Variants in TRPM3 observed in about 807,000 individuals in gnomAD.
The protein encoded by TRPM3 is transient receptor potential cation channel subfamily M member 3, also known as long transient receptor potential channel 3.
TRPM3 carries 77 observed loss-of-function variants against 181.2 expected under a neutral mutation model. The observed-to-expected ratio is 0.42, with a 90% CI of 0.35 to 0.51. The LOEUF is 0.51. TRPM3 is among the 20% of genes least tolerant of loss of function. The probability of loss-of-function intolerance (pLI) is 0.01; values close to 1 mark genes in which losing one functional copy is unlikely to be tolerated. For synonymous variants in TRPM3, 745 were observed against 796.4 expected (o/e 0.94, Z 1.09); for missense variants, 1,759 against 2,196.7 (o/e 0.80, Z 3.98).
At chr9:71,115,447 G>A (rs2072141478) in intron 1 of TRPM3, among the ~76,000 whole-genome samples, 2 of 152,102 alleles carry the variant, frequency 1.3e-5, no homozygotes, top group South Asian at 4.1e-4. Context: ...AATACGTTTT[G>A]TTGGTCACAG....
intron 6 of TRPM3, among the ~76,000 whole-genome samples, chr9:70,808,680 T>C (rs949637315): frequency 1.3e-5 from 2 of 152,228 alleles, no homozygotes; most frequent in Non-Finnish European, 1.5e-5. Flanking sequence ...AATTATTCTT[T>C]AGAGGGAAGA....
chr9:70,852,819 T>A lies in TRPM3; in HGVS notation c.463-6228A>T, dbSNP rs140614614. ...GCACTGCTCCCCTCTAAGTCCTAGATAATGCAATCTCTCCCCTTTCATCTA... is the reference window on the plus strand; with the variant it reads ...GCACTGCTCCCCTCTAAGTCCTAGAAAATGCAATCTCTCCCCTTTCATCTA... On this transcript the variant is annotated intron_variant, in intron 3 of 25. Coordinates refer to ENST00000677713, the MANE Select transcript of TRPM3 (RefSeq NM_001366145.2). Among the ~76,000 whole-genome samples, 5 of 152,324 alleles carry A rather than the reference T, an allele frequency of 3.3e-5. No individual in the cohort carries two copies. In the East Asian group the frequency reaches 9.7e-4, roughly 29 times the overall value.
Position 71,410,455 on chromosome 9 carries a change from T to C in TRPM3, c.183+36198A>G, listed in dbSNP as rs532556320. ...CCACCAATCCCACAGAAATACAAAC[T>C]ACCATCAGAGAATACTATAAACACC... is the stretch of plus-strand genomic sequence containing the variant. On this transcript the variant is annotated intron_variant, in intron 1 of 24. Transcript: ENST00000357533. Among the ~76,000 whole-genome samples the C allele has an allele frequency of 9.7e-4, 147 of 152,210 alleles. 2 individuals carry two copies. The highest frequency in any genetic ancestry group is 5.8e-3 in the South Asian group (28 of 4,822).
rs2082416109 is a variant in TRPM3 at position 70,781,346 on chromosome 9, A to AAAAG, written c.1148+2755_1148+2758dup. Among the ~76,000 whole-genome samples, 11 of 147,486 alleles carry AAAAG rather than the reference A, an allele frequency of 7.5e-5. No individual in the cohort carries two copies. The South Asian group carries it at 1.5e-3, about 21-fold the overall frequency. On this transcript the variant is annotated intron_variant, in intron 7 of 25. Coordinates refer to ENST00000677713, the MANE Select transcript of TRPM3 (RefSeq NM_001366145.2). Reference sequence around the variant, plus strand: ...TTTCATAAAAAAAAAAAAAAAAAAAAAAAGAAAACATGATATTTTTGACTC... The same window carrying AAAAG: ...TTTCATAAAAAAAAAAAAAAAAAAAAAAAGAAAGAAAACATGATATTTTTGACTC...
At chr9:71,362,231 G>A (rs2092179095) in intron 1 of TRPM3, among the ~76,000 whole-genome samples, 1 of 152,164 alleles carries the variant, frequency 6.6e-6, no homozygotes, top group African/African-American at 2.4e-5. Flanking sequence ...ATTCCAGGGG[G>A]TTAAGGTTCC....
At chr9:70,988,080 G>C (rs2097438880) in intron 1 of TRPM3, among the ~76,000 whole-genome samples, 1 of 152,126 alleles carries the variant, frequency 6.6e-6, no homozygotes, top group Admixed American at 6.6e-5. Flanking sequence ...GGTAAAGTAA[G>C]CAAGCTTATG....
intron 1 of TRPM3, among the ~76,000 whole-genome samples, chr9:71,136,933 G>A: frequency 6.6e-6 from 1 of 152,302 alleles, no homozygotes; most frequent in Admixed American, 6.5e-5. Context: ...CATTAAAGCG[G>A]ATGGAGTGAG....
At chr9:71,368,444 CAACA>C (rs1395847152) in intron 1 of TRPM3, among the ~76,000 whole-genome samples, 1 of 152,090 alleles carries the variant, frequency 6.6e-6, no homozygotes, top group Non-Finnish European at 1.5e-5. Flanking sequence ...AAAGTTCAGC[CAACA>C]AACTTTTTGT....
intron 1 of TRPM3, among the ~76,000 whole-genome samples, chr9:71,286,951 T>TATATAATTATA (rs1338876602): frequency 2.1e-5 from 2 of 94,112 alleles, no homozygotes; most frequent in African/African-American, 8.6e-5. Flanking sequence ...TAATTTATAT[T>TATATAATTATA]TTATATAAAT....
chr9:70,965,422 G>A (rs1181037027), intron 1 of TRPM3, among the ~76,000 whole-genome samples: 1 of 152,028 alleles, frequency 6.6e-6, no homozygotes, highest in African/African-American at 2.4e-5. Context: ...AGTGTAGTCA[G>A]GAAGTACTAA....
chr9:70,937,716 T>C (rs551261959), intron 1 of TRPM3, among the ~76,000 whole-genome samples: 1 of 152,026 alleles, frequency 6.6e-6, no homozygotes, highest in Non-Finnish European at 1.5e-5. Flanking sequence ...AGCAGAGAAG[T>C]GGATGTTTAA....
chr9:71,075,125 T>C (rs2063286110), intron 1 of TRPM3, among the ~76,000 whole-genome samples: 1 of 152,092 alleles, frequency 6.6e-6, no homozygotes, highest in Non-Finnish European at 1.5e-5. Context: ...CTGATTTGTT[T>C]TAGGTTTTTG....
intron 1 of TRPM3, among the ~76,000 whole-genome samples, chr9:70,986,330 C>A (rs2097421193): frequency 6.6e-6 from 1 of 152,292 alleles, no homozygotes; most frequent in South Asian, 2.1e-4. Flanking sequence ...TGCCACTGCA[C>A]TTCACCTGGG....
intron 20 of TRPM3, among the ~76,000 whole-genome samples, chr9:70,599,318 T>C (rs764575500): frequency 2.0e-5 from 3 of 152,062 alleles, no homozygotes; most frequent in Non-Finnish European, 4.4e-5. Flanking sequence ...TATGCATAGG[T>C]AAAAACTCTT....
At chr9:70,654,760 G>T (rs2060058046) in intron 9 of TRPM3, among the ~76,000 whole-genome samples, 2 of 149,604 alleles carry the variant, frequency 1.3e-5, no homozygotes, top group South Asian at 4.2e-4. Context: ...TTGGCTCACT[G>T]CAAGCTCCGC....
At chr9:71,121,756 CG>C (rs1235924315), upstream of TRPM3, 15 of 374,944 alleles carry the variant, frequency 4.0e-5, no homozygotes, top group African/African-American at 3.3e-4. Flanking sequence ...GAAGCCAGAA[CG>C]GGAAACTTGC....
intron 1 of TRPM3, among the ~76,000 whole-genome samples, chr9:70,919,443 G>A (rs1356564979): frequency 6.6e-6 from 1 of 152,124 alleles, no homozygotes; most frequent in East Asian, 1.9e-4. Context: ...CCTTCTTGAA[G>A]GTTAGCTCAA....
intron 1 of TRPM3, among the ~76,000 whole-genome samples, chr9:71,199,595 G>A (rs1429181777): frequency 2.6e-5 from 4 of 152,198 alleles, no homozygotes; most frequent in Non-Finnish European, 5.9e-5. Flanking sequence ...TCCTGGTTTA[G>A]TCTTGGGAGA....
At chr9:70,886,775 C>T (rs1000886132) in intron 1 of TRPM3, among the ~76,000 whole-genome samples, 17 of 152,106 alleles carry the variant, frequency 1.1e-4, no homozygotes, top group Admixed American at 9.8e-4. Flanking sequence ...AGTGATTCCC[C>T]TGCCTCAGCC....
Sources: gnomAD v4.1 joint callset for allele counts (sites outside exome capture counted in the v4.1 genomes callset) on GRCh38, gnomAD v4.1.1 for gene constraint, MANE v1.5 for transcripts, NCBI Gene and HGNC (gene_info 2026-07-23, HGNC 2026-07-21) for gene names.